HS2ST1: variants seen among roughly 807,000 people sequenced by gnomAD.
HS2ST1 encodes the protein 2-O-sulfotransferase.
HS2ST1 carries 18 observed loss-of-function variants against 42.9 expected under a neutral mutation model. The ratio of observed to expected loss-of-function variants is 0.42; its 90% CI spans 0.29 to 0.62. The LOEUF (loss-of-function observed/expected upper bound fraction) is 0.62, where lower values mean the gene tolerates loss of function less well. Among genes scored for constraint, HS2ST1 ranks in the 20% least tolerant of loss-of-function variants. HS2ST1 has a pLI of 0.21. For missense variants in HS2ST1, 334 were observed against 433.8 expected (o/e 0.77, Z 2.04); for synonymous variants, 146 against 152.9 (o/e 0.95, Z 0.33).
At chr1:87,035,985 C>G (rs1339660270) in intron 1 of HS2ST1, among the ~76,000 whole-genome samples, 2 of 152,016 alleles carry the variant, frequency 1.3e-5, no homozygotes, top group African/African-American at 2.4e-5. Flanking sequence ...CTTCCACCCC[C>G]TGACAGGCCC....
At chr1:86,976,704 G>GTATATATATATATATATATATA (rs147039703) in intron 1 of HS2ST1, among the ~76,000 whole-genome samples, 985 of 79,548 alleles carry the variant, frequency 0.012, 71 homozygotes, top group East Asian at 0.02. Flanking sequence ...TTATAAAATT[G>GTATATATATATATATATATATA]TATATATATA....
At chr1:87,103,967 T>C (rs1472713451) in intron 6 of HS2ST1, among the ~76,000 whole-genome samples, 2 of 152,202 alleles carry the variant, frequency 1.3e-5, no homozygotes, top group Non-Finnish European at 2.9e-5. Flanking sequence ...TATTATCATG[T>C]GTCTGAAAGT....
intron 1 of HS2ST1, among the ~76,000 whole-genome samples, chr1:87,065,913 C>T (rs1651237740): frequency 6.6e-6 from 1 of 152,038 alleles, no homozygotes; most frequent in Non-Finnish European, 1.5e-5. Flanking sequence ...TATTTTAACA[C>T]TAGAAGTTTC....
chr1:86,935,116 A>G (rs1011507598), intron 1 of HS2ST1, among the ~76,000 whole-genome samples: 4 of 151,832 alleles, frequency 2.6e-5, no homozygotes, highest in Middle Eastern at 3.4e-3. Context: ...CTGTGTAGGG[A>G]TGCAGGGAAT....
intron 1 of HS2ST1, among the ~76,000 whole-genome samples, chr1:87,021,254 A>G (rs183816452): frequency 4.9e-4 from 75 of 152,270 alleles, no homozygotes; most frequent in Non-Finnish European, 7.4e-4. Context: ...CACTCCCAGA[A>G]TATATTTTGA....
At chr1:86,922,208 C>T (rs1660314265) in intron 1 of HS2ST1, among the ~76,000 whole-genome samples, 1 of 151,052 alleles carries the variant, frequency 6.6e-6, no homozygotes, top group African/African-American at 2.4e-5. Flanking sequence ...TTATGGTATA[C>T]ATGATAGAAT....
intron 3 of HS2ST1, among the ~76,000 whole-genome samples, chr1:87,087,514 G>A (rs1557541652): frequency 6.6e-6 from 1 of 152,026 alleles, no homozygotes; most frequent in Admixed American, 6.6e-5. Context: ...GAACAAGTGA[G>A]GTGAATCAGT....
chr1:87,039,335 C>T (rs1240267707), intron 1 of HS2ST1, among the ~76,000 whole-genome samples: 3 of 152,172 alleles, frequency 2.0e-5, no homozygotes, highest in Admixed American at 6.5e-5. Flanking sequence ...GGTCAGGGCG[C>T]GGTGTGGACC....
chr1:86,996,882 C>A (rs1263876494), intron 1 of HS2ST1, among the ~76,000 whole-genome samples: 1 of 152,156 alleles, frequency 6.6e-6, no homozygotes, highest in East Asian at 1.9e-4. Flanking sequence ...ATCCCAGTAA[C>A]TGAAATTTAA....
At chr1:87,052,209 T>A (rs997303201) in intron 1 of HS2ST1, among the ~76,000 whole-genome samples, 4 of 152,178 alleles carry the variant, frequency 2.6e-5, no homozygotes, top group Non-Finnish European at 5.9e-5. Flanking sequence ...GCCCTAATCA[T>A]GCCACTGCAC....
At chr1:87,039,016 A>T (rs1650454222) in intron 1 of HS2ST1, among the ~76,000 whole-genome samples, 1 of 152,230 alleles carries the variant, frequency 6.6e-6, no homozygotes, top group South Asian at 2.1e-4. Flanking sequence ...AAAATAAATT[A>T]GTAAAAACAA....
chr1:87,096,266 A>G (rs1274989101), intron 4 of HS2ST1, among the ~76,000 whole-genome samples: 1 of 152,224 alleles, frequency 6.6e-6, no homozygotes, highest in African/African-American at 2.4e-5. Context: ...ACTTTGCTAC[A>G]TTAAAATCTA....
intron 1 of HS2ST1, among the ~76,000 whole-genome samples, chr1:86,935,918 A>T (rs754856753): frequency 1.3e-5 from 2 of 152,206 alleles, no homozygotes; most frequent in Non-Finnish European, 2.9e-5. Context: ...TTTCCCCATC[A>T]TGACAGCTTA....
intron 1 of HS2ST1, among the ~76,000 whole-genome samples, chr1:87,020,396 T>C (rs1252181371): frequency 6.6e-6 from 1 of 152,224 alleles, no homozygotes; most frequent in Non-Finnish European, 1.5e-5. Context: ...TGCTTCCTAT[T>C]CTAGTACATG....
intron 1 of HS2ST1, among the ~76,000 whole-genome samples, chr1:87,031,431 A>G (rs980594016): frequency 1.1e-4 from 12 of 104,816 alleles, no homozygotes; most frequent in Admixed American, 7.4e-4. Context: ...TAGATTATTT[A>G]TAAGATTCAT....
intron 1 of HS2ST1, among the ~76,000 whole-genome samples, chr1:87,014,840 TTTATC>T (rs1649703728): frequency 6.6e-6 from 1 of 152,224 alleles, no homozygotes; most frequent in Non-Finnish European, 1.5e-5. Context: ...TTTTAAAACA[TTTATC>T]TTATCCTCCT....
chr1:86,965,417 C>G (rs1228559156), intron 1 of HS2ST1, among the ~76,000 whole-genome samples: 1 of 152,150 alleles, frequency 6.6e-6, no homozygotes, highest in African/African-American at 2.4e-5. Flanking sequence ...CTTTTGTGGC[C>G]TTCCAGAATA....
At chr1:87,062,465 A>C (rs1651141135) in intron 1 of HS2ST1, among the ~76,000 whole-genome samples, 1 of 151,824 alleles carries the variant, frequency 6.6e-6, no homozygotes, top group Non-Finnish European at 1.5e-5. Flanking sequence ...TTGTCTTTTT[A>C]TTCTCCCTCA....
At chr1:87,051,572 G>T (rs1650833729) in intron 1 of HS2ST1, among the ~76,000 whole-genome samples, 3 of 152,156 alleles carry the variant, frequency 2.0e-5, no homozygotes, top group African/African-American at 7.2e-5. Flanking sequence ...TATTCTACTT[G>T]AGAATTTTTT....
Sources: allele counts gnomAD v4.1 joint callset (sites outside exome capture counted in the v4.1 genomes callset), GRCh38; gene constraint gnomAD v4.1.1; transcripts MANE v1.5; gene names NCBI Gene and HGNC (gene_info 2026-07-23, HGNC 2026-07-21).